Variants in CSMD1 observed in about 807,000 individuals in gnomAD.
CSMD1 encodes the protein CUB and sushi domain-containing protein 1.
In CSMD1, 213 loss-of-function variants were observed where a neutral mutation model predicts 417.5. The observed-to-expected ratio is 0.51, with a 90% CI of 0.46 to 0.57. The LOEUF (loss-of-function observed/expected upper bound fraction) is 0.57, where lower values mean the gene tolerates loss of function less well. Among genes scored for constraint, CSMD1 ranks in the 20% least tolerant of loss-of-function variants. CSMD1 has a pLI of 0.00. For synonymous variants in CSMD1, 2,862 were observed against 1,736.8 expected (o/e 1.65, Z -16.11); for missense variants, 6,923 against 4,529.7 (o/e 1.53, Z -15.17).
intron 5 of CSMD1, among the ~76,000 whole-genome samples, chr8:3,978,933 A>G (rs920684391): frequency 9.8e-5 from 15 of 152,334 alleles, no homozygotes; most frequent in Admixed American, 9.2e-4. Context: ...TGTGCATTTC[A>G]TTGCCAGCCA....
At chr8:3,147,614 A>T (rs1275339224) in intron 40 of CSMD1, among the ~76,000 whole-genome samples, 1 of 152,148 alleles carries the variant, frequency 6.6e-6, no homozygotes, top group Non-Finnish European at 1.5e-5. Context: ...CACACAGTAA[A>T]ATTTGAGCAC....
intron 5 of CSMD1, among the ~76,000 whole-genome samples, chr8:3,983,264 G>A (rs1443743498): frequency 6.6e-6 from 1 of 151,530 alleles, no homozygotes; most frequent in Non-Finnish European, 1.5e-5. Flanking sequence ...CCGAGTAGCT[G>A]GGACTACAGG....
intron 1 of CSMD1, among the ~76,000 whole-genome samples, chr8:4,727,429 G>A (rs1210787663): frequency 6.6e-6 from 1 of 152,122 alleles, no homozygotes; most frequent in African/African-American, 2.4e-5. Context: ...GTCAGTCCCT[G>A]GAATTATGCG....
At chr8:3,752,698 A>AC (rs1340153465) in intron 6 of CSMD1, among the ~76,000 whole-genome samples, 2,667 of 117,780 alleles carry the variant, frequency 0.023, 182 homozygotes, top group African/African-American at 0.078. Context: ...AAAAAAAAAA[A>AC]AAAAAACATA....
intron 3 of CSMD1, among the ~76,000 whole-genome samples, chr8:4,194,948 G>T (rs73658469): frequency 4.6e-5 from 7 of 151,712 alleles, no homozygotes; most frequent in African/African-American, 1.7e-4. Flanking sequence ...TAGTCCCCGG[G>T]TGAAAATGAA....
chr8:4,956,882 C>T (rs965664508), intron 1 of CSMD1, among the ~76,000 whole-genome samples: 2 of 152,150 alleles, frequency 1.3e-5, no homozygotes, highest in Non-Finnish European at 2.9e-5. Context: ...CCACACCAAG[C>T]GGCAATCCCC....
chr8:3,927,656 C>G (rs1221888692), intron 5 of CSMD1, among the ~76,000 whole-genome samples: 1 of 151,986 alleles, frequency 6.6e-6, no homozygotes, highest in Non-Finnish European at 1.5e-5. Flanking sequence ...AAGAGTGAAA[C>G]AAGTGAAACT....
At chr8:4,859,342 G>C (rs571349228) in intron 1 of CSMD1, among the ~76,000 whole-genome samples, 4 of 152,256 alleles carry the variant, frequency 2.6e-5, no homozygotes, top group African/African-American at 9.6e-5. Context: ...TTACCATTCA[G>C]GACATAGGCA....
At chr8:4,147,161 TC>T (rs962217180) in intron 3 of CSMD1, among the ~76,000 whole-genome samples, 1 of 150,536 alleles carries the variant, frequency 6.6e-6, no homozygotes, top group African/African-American at 2.4e-5. Flanking sequence ...TCTTCTACTC[TC>T]CCCCCCTGCC....
chr8:4,037,284 T>G (rs1028575648), intron 3 of CSMD1, among the ~76,000 whole-genome samples: 1 of 152,140 alleles, frequency 6.6e-6, no homozygotes, highest in Admixed American at 6.6e-5. Context: ...TGTGGGAAAA[T>G]TGGTCTTGTC....
intron 2 of CSMD1, among the ~76,000 whole-genome samples, chr8:4,462,219 T>A (rs892204706): frequency 2.0e-5 from 3 of 151,970 alleles, no homozygotes; most frequent in Admixed American, 6.6e-5. Context: ...AAGCTGAACA[T>A]GAAATTTAAA....
At chr8:4,215,336 G>A (rs767550726) in intron 3 of CSMD1, among the ~76,000 whole-genome samples, 1 of 152,128 alleles carries the variant, frequency 6.6e-6, no homozygotes, top group Admixed American at 6.5e-5. Context: ...GCTTTTAGAT[G>A]TCCACAGATG....
At chr8:3,197,032 A>G (rs1424144252) in intron 33 of CSMD1, among the ~76,000 whole-genome samples, 5 of 152,222 alleles carry the variant, frequency 3.3e-5, no homozygotes, top group African/African-American at 1.2e-4. Flanking sequence ...TTCTGCTCTC[A>G]AGAAGTGTGG....
chr8:4,025,461 CAT>C (rs1797012093), intron 4 of CSMD1, among the ~76,000 whole-genome samples: 1 of 152,162 alleles, frequency 6.6e-6, no homozygotes, highest in African/African-American at 2.4e-5. Flanking sequence ...GTATGGGAAA[CAT>C]AAAGCAAATT....
chr8:3,476,988 G>C (rs1038858312), intron 11 of CSMD1, among the ~76,000 whole-genome samples: 1 of 151,900 alleles, frequency 6.6e-6, no homozygotes, highest in Non-Finnish European at 1.5e-5. Context: ...AACACAAAGG[G>C]ATACTACAGT....
intron 3 of CSMD1, among the ~76,000 whole-genome samples, chr8:4,280,789 T>A (rs1479636080): frequency 2.6e-5 from 4 of 152,212 alleles, no homozygotes; most frequent in Non-Finnish European, 4.4e-5. Context: ...AAATATTATT[T>A]GAACGTATGT....
chr8:3,479,864 A>G (rs957901857), intron 11 of CSMD1, among the ~76,000 whole-genome samples: 2 of 152,048 alleles, frequency 1.3e-5, no homozygotes, highest in South Asian at 2.1e-4. Context: ...CAAACAGATG[A>G]AAAAAAACGA....
chr8:4,061,845 A>G (rs1235265237), intron 3 of CSMD1, among the ~76,000 whole-genome samples: 1 of 152,212 alleles, frequency 6.6e-6, no homozygotes, highest in Non-Finnish European at 1.5e-5. Context: ...TATACACTGT[A>G]TAGATGTAGG....
At chr8:3,659,050 C>T (rs1234767116) in intron 7 of CSMD1, among the ~76,000 whole-genome samples, 6 of 152,182 alleles carry the variant, frequency 3.9e-5, no homozygotes, top group Non-Finnish European at 8.8e-5. Flanking sequence ...GGCGCCATTG[C>T]ATCTACTTGA....
Sources: allele counts gnomAD v4.1 joint callset (sites outside exome capture counted in the v4.1 genomes callset), GRCh38; gene constraint gnomAD v4.1.1; transcripts MANE v1.5; gene names NCBI Gene and HGNC (gene_info 2026-07-23, HGNC 2026-07-21).